TMEM132D: variants seen among roughly 807,000 people sequenced by gnomAD.
TMEM132D encodes the protein transmembrane protein 132D, also known as mature OL transmembrane protein.
In TMEM132D, 21 loss-of-function variants were observed where a neutral mutation model predicts 62.3. The ratio of observed to expected loss-of-function variants is 0.34; its 90% confidence interval spans 0.24 to 0.49. TMEM132D has a LOEUF of 0.49. Ranked by LOEUF, TMEM132D falls within the 20% of genes least tolerant of loss-of-function variation. The probability of loss-of-function intolerance (pLI) is 0.99; values close to 1 mark genes in which losing one functional copy is unlikely to be tolerated. For synonymous variants in TMEM132D, 621 were observed against 575.6 expected (o/e 1.08, Z -1.13); for missense variants, 1,346 against 1,402.8 (o/e 0.96, Z 0.65).
chr12:129,414,478 G>A (rs1323456973), intron 3 of TMEM132D, among the ~76,000 whole-genome samples: 2 of 152,258 alleles, frequency 1.3e-5, no homozygotes, highest in Non-Finnish European at 2.9e-5. Flanking sequence ...AATAAAAATT[G>A]TATATATTTG....
chr12:129,562,569 G>C (rs1319506081), intron 2 of TMEM132D, among the ~76,000 whole-genome samples: 2 of 152,110 alleles, frequency 1.3e-5, no homozygotes, highest in African/African-American at 4.8e-5. Flanking sequence ...TCAAGATCTA[G>C]AGATCTGGCA....
At chr12:129,646,979 T>C (rs1271958853) in intron 2 of TMEM132D, among the ~76,000 whole-genome samples, 11 of 151,910 alleles carry the variant, frequency 7.2e-5, no homozygotes, top group Non-Finnish European at 1.3e-4. Context: ...TTTGTATTTT[T>C]AGTAGAGACA....
intron 4 of TMEM132D, among the ~76,000 whole-genome samples, chr12:129,312,952 T>C (rs1211682937): frequency 6.6e-6 from 1 of 152,224 alleles, no homozygotes; most frequent in Non-Finnish European, 1.5e-5. Flanking sequence ...CGAGACTGAA[T>C]TCATGTCTGA....
rs2135616935 is a variant in TMEM132D, at chr12:129,082,044, G to A, written c.1650-12C>T. The stretch of plus-strand genomic sequence containing the variant: ...TGTCCCCGGCAGGCCTGTGAAAGAA[G>A]CAGTGCAGTTTGCAGACAGTTACTT... On this transcript the variant is annotated splice_polypyrimidine_tract_variant and intron_variant, in intron 6 of 8. Coordinates refer to ENST00000422113, the MANE Select transcript of TMEM132D (RefSeq NM_133448.3). 3 of 1,591,546 alleles carry A rather than the reference G, an allele frequency of 1.9e-6. No individual in the cohort carries two copies. The highest frequency in any genetic ancestry group is 2.6e-6 in the Non-Finnish European group (3 of 1,166,620).
At chr12:129,776,224 G>T (rs1870917104) in intron 1 of TMEM132D, among the ~76,000 whole-genome samples, 1 of 152,034 alleles carries the variant, frequency 6.6e-6, no homozygotes, top group African/African-American at 2.4e-5. Flanking sequence ...GATGCCAATT[G>T]CTCCATAACC....
At chr12:129,440,906 A>G (rs999367772) in intron 3 of TMEM132D, among the ~76,000 whole-genome samples, 22 of 152,210 alleles carry the variant, frequency 1.4e-4, no homozygotes, top group African/African-American at 5.3e-4. Flanking sequence ...ATAACCATGG[A>G]AACATCATGT....
chr12:129,090,828 G>C (rs1028234548), intron 5 of TMEM132D, among the ~76,000 whole-genome samples: 35 of 152,180 alleles, frequency 2.3e-4, no homozygotes, highest in African/African-American at 6.3e-4. Context: ...ACTTGGCCCT[G>C]ATGGGGCAGA....
chr12:129,740,790 A>G (rs1464331550), intron 1 of TMEM132D, among the ~76,000 whole-genome samples: 1 of 152,222 alleles, frequency 6.6e-6, no homozygotes, highest in African/African-American at 2.4e-5. Flanking sequence ...TTAGTAGGGT[A>G]ATTCTATGAT....
intron 4 of TMEM132D, among the ~76,000 whole-genome samples, chr12:129,274,937 A>C (rs1234967978): frequency 3.9e-5 from 6 of 152,150 alleles, no homozygotes; most frequent in Admixed American, 3.9e-4. Context: ...TGATAACAAT[A>C]ATGAAGGTGA....
rs144903101 is a variant in TMEM132D, at chr12:129,826,943, T to C, written c.79+76318A>G. 5.7e-3 allele frequency among the ~76,000 whole-genome samples: 868 copies of C among 152,346 alleles called. 8 individuals carry two copies. Among genetic ancestry groups the C allele is most frequent in the African/African-American group, 0.02 (820 of 41,582 alleles). On this transcript the variant is annotated intron_variant, in intron 1 of 8. Transcript: ENST00000422113. Reference sequence around the variant, plus strand: ...AGTGAAAAGCAGTTTGATGATGTCTTTTCTCAGAAGCTGACTAAATAAGTC... The same window carrying C: ...AGTGAAAAGCAGTTTGATGATGTCTCTTCTCAGAAGCTGACTAAATAAGTC...
intron 4 of TMEM132D, among the ~76,000 whole-genome samples, chr12:129,235,973 C>A (rs1459864229): frequency 6.6e-6 from 1 of 151,948 alleles, no homozygotes; most frequent in Non-Finnish European, 1.5e-5. Flanking sequence ...TTCTTTCAAT[C>A]CATGAACGTG....
intron 1 of TMEM132D, among the ~76,000 whole-genome samples, chr12:129,735,637 A>T (rs1593140899): frequency 6.6e-6 from 1 of 152,314 alleles, no homozygotes; most frequent in East Asian, 1.9e-4. Context: ...AAAATAACGT[A>T]GAGTGCAAAA....
Position 129,178,433 on chromosome 12 carries a change from G to GTTTT in TMEM132D, c.1443+31083_1443+31086dup, listed in dbSNP as rs60615317. Among the ~76,000 whole-genome samples the GTTTT allele has an allele frequency of 4.4e-3, 617 of 140,924 alleles. 14 individuals are homozygous for GTTTT. The highest frequency in any genetic ancestry group is 0.016 in the African/African-American group (595 of 37,896). The allele number at this position is 140,924 out of a possible 152,430, so 92.5% of individuals were successfully genotyped here. On this transcript the variant is annotated intron_variant, in intron 5 of 8. Transcript: ENST00000422113. ...TTTCTCCACAATCTCACCAGCATCT[G>GTTTT]TTTTTTTTTTTTTTTTGTGACTTTT... is the stretch of plus-strand genomic sequence containing the variant.
intron 4 of TMEM132D, among the ~76,000 whole-genome samples, chr12:129,220,843 G>T (rs1051810450): frequency 6.7e-6 from 1 of 150,060 alleles, no homozygotes; most frequent in Non-Finnish European, 1.5e-5. Context: ...GGTATAAAAA[G>T]ATTTTTTTCC....
At chr12:129,206,111 A>G (rs2135563989) in intron 5 of TMEM132D, among the ~76,000 whole-genome samples, 1 of 152,362 alleles carries the variant, frequency 6.6e-6, no homozygotes, top group East Asian at 1.9e-4. Flanking sequence ...ACAGGATCTA[A>G]TTAAAGTTAA....
intron 4 of TMEM132D, among the ~76,000 whole-genome samples, chr12:129,296,843 A>G (rs1203658061): frequency 1.3e-5 from 2 of 152,216 alleles, no homozygotes. Context: ...GTGAGTATAC[A>G]CTACCAAGCT....
At chr12:129,346,536 C>T (rs578218945) in intron 3 of TMEM132D, among the ~76,000 whole-genome samples, 7 of 151,944 alleles carry the variant, frequency 4.6e-5, no homozygotes, top group African/African-American at 9.6e-5. Flanking sequence ...GTTAGGGTGT[C>T]GAGTTTAGGT....
rs71082709 is a variant in TMEM132D, at chr12:129,420,306, G to GTTTTTT, written c.1116-82495_1116-82490dup. ...AATTTCAAATTATTGCACGTTCTCTGTTTTTTTTTTTTTTTTTTTTTTTTG... is the reference window on the plus strand; with the variant it reads ...AATTTCAAATTATTGCACGTTCTCTGTTTTTTTTTTTTTTTTTTTTTTTTTTTTTTG... On this transcript the variant is annotated intron_variant, in intron 3 of 8. Coordinates refer to ENST00000422113, the MANE Select transcript of TMEM132D (RefSeq NM_133448.3). 4.3e-3 allele frequency among the ~76,000 whole-genome samples: 487 copies of GTTTTTT among 112,198 alleles called. 56 individuals carry two copies. The highest frequency in any genetic ancestry group is 0.015 in the African/African-American group (374 of 24,880). 73.6% of individuals were successfully genotyped at this position (112,198 alleles called of 152,430 possible). A position where few individuals can be genotyped will look rare whatever the true frequency, so the allele number is the denominator to read the frequency against.
chr12:129,586,619 G>A (rs1330158766), intron 2 of TMEM132D, among the ~76,000 whole-genome samples: 9 of 152,066 alleles, frequency 5.9e-5, no homozygotes, highest in East Asian at 1.9e-4. Context: ...GAGCTACACC[G>A]GGCACTAATC....
Sources: gnomAD v4.1 joint callset for allele counts (sites outside exome capture counted in the v4.1 genomes callset) on GRCh38, gnomAD v4.1.1 for gene constraint, MANE v1.5 for transcripts, NCBI Gene and HGNC (gene_info 2026-07-23, HGNC 2026-07-21) for gene names.